CORO1C: variants seen among roughly 807,000 people sequenced by gnomAD.
CORO1C encodes the protein coronin-1C.
CORO1C carries 14 observed loss-of-function variants against 51.2 expected under a neutral mutation model. The ratio of observed to expected loss-of-function variants is 0.27; its 90% CI spans 0.18 to 0.43. CORO1C has a LOEUF of 0.43. CORO1C is among the 20% of genes least tolerant of loss of function. CORO1C has a pLI of 1.00. For missense variants in CORO1C, 417 were observed against 607.8 expected, an observed-to-expected ratio of 0.69 and a Z score of 3.30; for synonymous variants, 181 against 210.5, an observed-to-expected ratio of 0.86 and a Z score of 1.21.
intron 3 of CORO1C, among the ~76,000 whole-genome samples, chr12:108,677,517 C>G (rs1429118719): frequency 6.6e-6 from 1 of 152,220 alleles, no homozygotes; most frequent in Non-Finnish European, 1.5e-5. Flanking sequence ...ATTGCAAAAA[C>G]TCTTTTACCA....
At chr12:108,671,959 C>T (rs1413957066) in intron 3 of CORO1C, among the ~76,000 whole-genome samples, 2 of 152,142 alleles carry the variant, frequency 1.3e-5, no homozygotes, top group African/African-American at 4.8e-5. Context: ...CACGGGGTTT[C>T]ACCATGTTGC....
At chr12:108,689,387 A>C (rs1476632371) in intron 2 of CORO1C, among the ~76,000 whole-genome samples, 1 of 152,264 alleles carries the variant, frequency 6.6e-6, no homozygotes, top group Non-Finnish European at 1.5e-5. Context: ...TCGAGTGATA[A>C]GTCAAATCAA....
At position 108,678,406 on chromosome 12, in the gene CORO1C, G is replaced by C. The variant is rs773732877; in HGVS notation, c.196-12C>G. The C allele has an allele frequency of 6.4e-7, 1 of 1,564,152 alleles. No homozygotes were observed. The highest frequency in any genetic ancestry group is 2.3e-5 in the East Asian group (1 of 42,718). On this transcript the variant is annotated splice_polypyrimidine_tract_variant and intron_variant, in intron 2 of 10. Transcript: ENST00000261401. Reference sequence around the variant, plus strand: ...TCAATTCGACCAGTCTGAAAGAAGAGAGAAACAAACCTATTATGTAATATC... The same window carrying C: ...TCAATTCGACCAGTCTGAAAGAAGACAGAAACAAACCTATTATGTAATATC...
chr12:108,726,490 C>T (rs1319015837), intron 1 of CORO1C, among the ~76,000 whole-genome samples: 4 of 150,962 alleles, frequency 2.6e-5, no homozygotes, highest in East Asian at 3.9e-4. Context: ...TTGAGTCAGA[C>T]ACCCCAAGAG....
intron 8 of CORO1C, chr12:108,649,298 G>A: frequency 2.1e-6 from 1 of 479,846 alleles, no homozygotes. Context: ...ATTATCTGGG[G>A]GACAGACCAA....
intron 2 of CORO1C, among the ~76,000 whole-genome samples, chr12:108,685,991 T>C (rs1410049179): frequency 2.6e-5 from 4 of 152,148 alleles, no homozygotes; most frequent in Non-Finnish European, 5.9e-5. Flanking sequence ...CAACAACATA[T>C]TTCACCAAAT....
At chr12:108,715,220 C>T (rs1352172524) in intron 1 of CORO1C, among the ~76,000 whole-genome samples, 1 of 151,884 alleles carries the variant, frequency 6.6e-6, no homozygotes, top group African/African-American at 2.4e-5. Flanking sequence ...AAAGACAAAG[C>T]GAAACTGTGT....
chr12:108,652,349 G>T lies in CORO1C; in HGVS notation c.924C>A (p.Phe308Leu). ...ESPYVHYLNT[F>L]SSKEPQRGMG... Reference sequence around the variant, plus strand: ...TCCCTCTCTGAGGCTCCTTGCTGCTGAATGTGTTGAGGTAGTGGACGTACG... The same window carrying T: ...TCCCTCTCTGAGGCTCCTTGCTGCTTAATGTGTTGAGGTAGTGGACGTACG... The change falls in exon 8 of 11, where the codon TTC becomes TTA. Residue 308 changes from phenylalanine to leucine, a missense_variant. Transcript: ENST00000261401. 1 of 1,613,750 alleles carries T rather than the reference G, an allele frequency of 6.2e-7. No individual in the cohort carries two copies. Among genetic ancestry groups the T allele is most frequent in the Non-Finnish European group, 8.5e-7 (1 of 1,179,654 alleles).
At chr12:108,684,436 G>C (rs1186664094) in intron 2 of CORO1C, among the ~76,000 whole-genome samples, 2 of 152,178 alleles carry the variant, frequency 1.3e-5, no homozygotes, top group African/African-American at 4.8e-5. Flanking sequence ...GTCTGGGTGA[G>C]AGAGATGCTC....
In CORO1C at chr12:108,701,425, C is replaced by G. The variant is rs911082315; in HGVS notation, c.-5-102G>C. 1.7e-5 allele frequency: 26 copies of G among 1,549,732 alleles called. No individual in the cohort carries two copies. The African/African-American group carries it at 3.3e-4, about 19-fold the overall frequency. On this transcript the variant is annotated intron_variant, in intron 1 of 10. Coordinates refer to ENST00000261401, the MANE Select transcript of CORO1C (RefSeq NM_014325.4). Reference sequence around the variant, plus strand: ...AAGTAGGAAAAACAGAATGGTATGGCATTTTGTCTGCTCTCCTAAAAAGTA... The same window carrying G: ...AAGTAGGAAAAACAGAATGGTATGGGATTTTGTCTGCTCTCCTAAAAAGTA...
intron 6 of CORO1C, among the ~76,000 whole-genome samples, chr12:108,656,653 T>C (rs2033032322): frequency 6.6e-6 from 1 of 152,240 alleles, no homozygotes; most frequent in Admixed American, 6.5e-5. Flanking sequence ...ATTGTTGCTG[T>C]GTCTGTGTAG....
intron 4 of CORO1C, among the ~76,000 whole-genome samples, chr12:108,660,026 T>G (rs2033189801): frequency 6.6e-6 from 1 of 152,218 alleles, no homozygotes; most frequent in African/African-American, 2.4e-5. Context: ...GCTCCTAGGA[T>G]GTTAGTTCAA....
intron 1 of CORO1C, among the ~76,000 whole-genome samples, chr12:108,709,932 G>C (rs1367020068): frequency 6.6e-6 from 1 of 152,162 alleles, no homozygotes; most frequent in African/African-American, 2.4e-5. Flanking sequence ...GTAATAAAGA[G>C]GAAGACGATG....
chr12:108,690,162 C>T (rs1565923025), intron 2 of CORO1C, among the ~76,000 whole-genome samples: 1 of 152,268 alleles, frequency 6.6e-6, no homozygotes, highest in African/African-American at 2.4e-5. Context: ...ACCAAAAAGA[C>T]GGGTGCACAC....
At chr12:108,652,536 T>G in intron 7 of CORO1C, 119 bp from the exon 8 acceptor site, 1 of 738,322 alleles carries the variant, frequency 1.4e-6, no homozygotes, top group Non-Finnish European at 2.3e-6. Context: ...GTAGCTGACC[T>G]TTTCTTCCTC....
intron 2 of CORO1C, among the ~76,000 whole-genome samples, chr12:108,684,295 T>C (rs1216444608): frequency 1.3e-5 from 2 of 152,286 alleles, no homozygotes; most frequent in East Asian, 1.9e-4. Flanking sequence ...TAAATATAAG[T>C]GCTGACAAGG....
intron 2 of CORO1C, 175 bp downstream of exon 2, chr12:108,700,949 A>G (rs2034848288): frequency 2.9e-6 from 2 of 701,454 alleles, no homozygotes; most frequent in Admixed American, 2.6e-5. Context: ...CTATTTAATG[A>G]TTCTCTGTTA....
intron 3 of CORO1C, among the ~76,000 whole-genome samples, chr12:108,678,033 AAAAG>A (rs1477823045): frequency 2.0e-5 from 3 of 152,148 alleles, no homozygotes; most frequent in Admixed American, 1.3e-4. Flanking sequence ...AAAAAAAAGA[AAAAG>A]AAAGACACGG....
At chr12:108,727,983 A>G (rs11114040) in intron 1 of CORO1C, among the ~76,000 whole-genome samples, 8,696 of 152,298 alleles carry the variant, frequency 0.057, 516 homozygotes, top group East Asian at 0.32. Context: ...CAACCACATG[A>G]AAAGATGCTC....
Sources: allele counts gnomAD v4.1 joint callset (sites outside exome capture counted in the v4.1 genomes callset), GRCh38; gene constraint gnomAD v4.1.1; transcripts MANE v1.5; gene names NCBI Gene and HGNC (gene_info 2026-07-23, HGNC 2026-07-21).